GPR137C: variants seen among roughly 807,000 people sequenced by gnomAD.
GPR137C encodes the protein integral membrane protein GPR137C.
GPR137C carries 27 observed loss-of-function variants against 43.4 expected under a neutral mutation model. That is an observed-to-expected ratio of 0.62 (90% CI 0.46 to 0.86). The LOEUF (loss-of-function observed/expected upper bound fraction) is 0.86, where lower values mean the gene tolerates loss of function less well. Ranked by LOEUF, GPR137C falls within the 40% of genes least tolerant of loss-of-function variation. The probability of loss-of-function intolerance (pLI) is 0.00; values close to 1 mark genes in which losing one functional copy is unlikely to be tolerated. For synonymous variants in GPR137C, 285 were observed against 226.9 expected (o/e 1.26, Z -2.30); for missense variants, 522 against 534.6 (o/e 0.98, Z 0.23).
intron 1 of GPR137C, among the ~76,000 whole-genome samples, chr14:52,582,833 A>G (rs2038665309): frequency 6.6e-6 from 1 of 152,096 alleles, no homozygotes; most frequent in African/African-American, 2.4e-5. Context: ...AAATGAGAAA[A>G]TCATTTCAAA....
Position 52,636,800 on chromosome 14 carries a change from C to T in GPR137C, c.*1685C>T, listed in dbSNP as rs1160585177. 1 of 151,950 alleles carries T rather than the reference C, an allele frequency of 6.6e-6. No individual in the cohort carries two copies. Among genetic ancestry groups the T allele is most frequent in the African/African-American group, 2.4e-5 (1 of 41,406 alleles). 9.4% of individuals were successfully genotyped at this position (151,950 alleles called of 1,614,324 possible). A position where few individuals can be genotyped will look rare whatever the true frequency, so the allele number is the denominator to read the frequency against. ...TTTGTTTATAATTCTCTCATTGTAACCAAATTATTTTAAAATGTATAGTAT... is the reference window on the plus strand; with the variant it reads ...TTTGTTTATAATTCTCTCATTGTAATCAAATTATTTTAAAATGTATAGTAT... On this transcript the variant is annotated 3_prime_UTR_variant, in exon 7 of 7. Transcript: ENST00000321662.
chr14:52,573,922 C>T (rs1464364753), intron 1 of GPR137C, among the ~76,000 whole-genome samples: 1 of 152,124 alleles, frequency 6.6e-6, no homozygotes, highest in Non-Finnish European at 1.5e-5. Flanking sequence ...TATGAACAGA[C>T]ACTTCTCAAA....
At chr14:52,602,047 T>A (rs1317746618) in intron 3 of GPR137C, among the ~76,000 whole-genome samples, 1 of 151,042 alleles carries the variant, frequency 6.6e-6, no homozygotes, top group African/African-American at 2.4e-5. Flanking sequence ...ATATACATGT[T>A]CAGACGTGTT....
Position 52,635,855 on chromosome 14 carries a change from C to T in GPR137C, c.*740C>T, listed in dbSNP as rs2039347505. On this transcript the variant is annotated 3_prime_UTR_variant, in exon 7 of 7. Coordinates refer to ENST00000321662, the MANE Select transcript of GPR137C (RefSeq NM_001099652.2). ...ATTGAGATATATGTAGTAGTTTAAG[C>T]ATGATTCTTGAAGAAAGCAATAGTG... 1 of 152,048 alleles carries T rather than the reference C, an allele frequency of 6.6e-6. No individual in the cohort carries two copies. The highest frequency in any genetic ancestry group is 2.4e-5 in the African/African-American group (1 of 41,420). The allele number at this position is 152,048 out of a possible 1,614,324, so 9.4% of individuals were successfully genotyped here.
In GPR137C at chr14:52,553,091, G is replaced by A. The variant is rs941329764; in HGVS notation, c.-57G>A. 3.1e-6 allele frequency: 3 copies of A among 980,698 alleles called. No individual in the cohort carries two copies. The highest frequency in any genetic ancestry group is 1.3e-6 in the Non-Finnish European group (1 of 787,904). The allele number at this position is 980,698 out of a possible 1,614,324, so 60.7% of individuals were successfully genotyped here. On this transcript the variant is annotated 5_prime_UTR_variant, in exon 1 of 7. Coordinates refer to ENST00000321662, the MANE Select transcript of GPR137C (RefSeq NM_001099652.2). The stretch of plus-strand genomic sequence containing the variant: ...GGCAGTCCTTCTCCCCTTCGACGGC[G>A]GCTCCGAGTCCAGCCCCTTCCTTCC...
intron 3 of GPR137C, among the ~76,000 whole-genome samples, chr14:52,609,211 C>A (rs1339210632): frequency 6.6e-6 from 1 of 152,124 alleles, no homozygotes; most frequent in African/African-American, 2.4e-5. Flanking sequence ...CCTATTACAT[C>A]TTTCATTTCA....
chr14:52,563,719 C>G (rs1448367519), intron 1 of GPR137C, among the ~76,000 whole-genome samples: 1 of 152,154 alleles, frequency 6.6e-6, no homozygotes, highest in Non-Finnish European at 1.5e-5. Flanking sequence ...ATCCAATTAT[C>G]TATATAATTC....
In GPR137C at chr14:52,626,479, A is replaced by G. The variant is rs139579121; in HGVS notation, c.718-5681A>G. 3.6e-4 allele frequency among the ~76,000 whole-genome samples: 55 copies of G among 152,170 alleles called. No individual in the cohort carries two copies. The East Asian group carries it at 0.01, about 29-fold the overall frequency. On this transcript the variant is annotated intron_variant, in intron 3 of 6. Transcript: ENST00000321662. ...TTAAAAAAAAAAAACCTCTCAGCTA[A>G]TAGTAGAAGAAAAGGAAAGTACTTC...
rs191208055 is a variant in GPR137C, at chr14:52,560,161, A to G, written c.444+6570A>G. ...GACAGAACAAGACCCTGTTTCAAAA[A>G]CAACAATTCTACATGCAATAGTGTC... On this transcript the variant is annotated intron_variant, in intron 1 of 6. Transcript: ENST00000321662. Among the ~76,000 whole-genome samples the G allele has an allele frequency of 3.8e-3, 586 of 152,296 alleles. 1 individual carries two copies. The highest frequency in any genetic ancestry group is 0.016 in the South Asian group (76 of 4,824).
chr14:52,556,689 C>T (rs1202786470), intron 1 of GPR137C, among the ~76,000 whole-genome samples: 1 of 152,054 alleles, frequency 6.6e-6, no homozygotes, highest in Non-Finnish European at 1.5e-5. Flanking sequence ...CTGATTCTAT[C>T]TACCATTAGA....
intron 2 of GPR137C, among the ~76,000 whole-genome samples, 180 bp downstream of exon 2, chr14:52,598,495 C>G (rs934057254): frequency 5.9e-5 from 9 of 152,088 alleles, no homozygotes; most frequent in African/African-American, 2.2e-4. Flanking sequence ...TAGATTGGTT[C>G]AAAGGAATCA....
intron 3 of GPR137C, among the ~76,000 whole-genome samples, chr14:52,618,176 A>G (rs2039120946): frequency 6.6e-6 from 1 of 152,210 alleles, no homozygotes; most frequent in Non-Finnish European, 1.5e-5. Context: ...CATGATTTAT[A>G]TCCTACTCTA....
intron 3 of GPR137C, among the ~76,000 whole-genome samples, chr14:52,611,260 G>A (rs761038545): frequency 1.3e-5 from 2 of 151,812 alleles, no homozygotes; most frequent in African/African-American, 4.8e-5. Flanking sequence ...TCAATGATTT[G>A]TAGAGTGGAA....
intron 1 of GPR137C, among the ~76,000 whole-genome samples, chr14:52,590,232 A>G (rs1448546899): frequency 6.6e-6 from 1 of 151,608 alleles, no homozygotes; most frequent in East Asian, 1.9e-4. Context: ...AAAAAATAAA[A>G]ATGAAAACAT....
chr14:52,601,931 A>G (rs193070113), intron 3 of GPR137C, among the ~76,000 whole-genome samples: 1 of 151,998 alleles, frequency 6.6e-6, no homozygotes, highest in Admixed American at 6.6e-5. Context: ...AATTATTAGA[A>G]CACCATTCCC....
At chr14:52,581,332 A>G (rs2038643728) in intron 1 of GPR137C, among the ~76,000 whole-genome samples, 1 of 151,434 alleles carries the variant, frequency 6.6e-6, no homozygotes, top group Admixed American at 6.6e-5. Context: ...TCAGGAGTTC[A>G]ACACAGGCCA....
intron 1 of GPR137C, among the ~76,000 whole-genome samples, chr14:52,573,330 A>C (rs559089762): frequency 6.6e-6 from 1 of 152,210 alleles, no homozygotes; most frequent in Non-Finnish European, 1.5e-5. Flanking sequence ...CTATACTACA[A>C]GGCTACAGTA....
At chr14:52,620,817 G>A (rs947932726) in intron 3 of GPR137C, among the ~76,000 whole-genome samples, 1 of 151,784 alleles carries the variant, frequency 6.6e-6, no homozygotes, top group Non-Finnish European at 1.5e-5. Flanking sequence ...CAGCATATTG[G>A]AGATGAAGGA....
At chr14:52,585,011 C>T (rs56975251) in intron 1 of GPR137C, among the ~76,000 whole-genome samples, 207 of 152,190 alleles carry the variant, frequency 1.4e-3, no homozygotes, top group African/African-American at 4.7e-3. Flanking sequence ...TCAATATATT[C>T]TTTTATAACC....
Sources: allele counts gnomAD v4.1 joint callset (sites outside exome capture counted in the v4.1 genomes callset), GRCh38; gene constraint gnomAD v4.1.1; transcripts MANE v1.5; gene names NCBI Gene and HGNC (gene_info 2026-07-23, HGNC 2026-07-21).